Variants in GPHN observed in about 807,000 individuals in gnomAD.
GPHN encodes gephyrin.
Under a neutral mutation model 95.5 loss-of-function variants are expected in GPHN, and 17 were observed. That is an observed-to-expected ratio of 0.18 (90% CI 0.12 to 0.27). The LOEUF (loss-of-function observed/expected upper bound fraction) is 0.27, where lower values mean the gene tolerates loss of function less well. Ranked by LOEUF, GPHN falls within the 10% of genes least tolerant of loss-of-function variation. GPHN has a pLI of 1.00. For synonymous variants in GPHN, 320 were observed against 322.5 expected (o/e 0.99, Z 0.08); for missense variants, 660 against 978.1 (o/e 0.67, Z 4.34).
chr14:67,319,610 TAA>T, the GPHN span, among the ~76,000 whole-genome samples: 3,967 of 128,530 alleles, frequency 0.031, 57 homozygotes, highest in East Asian at 0.065. Context: ...GCTGATGAGC[TAA>T]AAAAAAAAAA....
At chr14:66,644,776 A>T (rs1164777756) in intron 1 of GPHN, among the ~76,000 whole-genome samples, 1 of 152,200 alleles carries the variant, frequency 6.6e-6, no homozygotes, top group Non-Finnish European at 1.5e-5. Flanking sequence ...AAGACAGATA[A>T]GGAGATTTTC....
At chr14:67,576,025 C>T in the GPHN span, 10 of 1,580,052 alleles carry the variant, frequency 6.3e-6, no homozygotes, top group Admixed American at 1.6e-4. This position sits in a 1 kb window ranked among gnomAD's most constrained non-coding sequence, Gnocchi z 4.0. Flanking sequence ...AGGGCTGGGC[C>T]TCCAGGGCCA....
chr14:67,359,431 G>A, the GPHN span, among the ~76,000 whole-genome samples: 3 of 152,182 alleles, frequency 2.0e-5, no homozygotes, highest in Admixed American at 6.5e-5. Flanking sequence ...CCCGCCGGCC[G>A]GGCGCCTTTT....
intron 1 of GPHN, among the ~76,000 whole-genome samples, chr14:66,588,800 AATCACTCTTCAGGAT>A: frequency 6.6e-6 from 1 of 152,306 alleles, no homozygotes; most frequent in South Asian, 2.1e-4. Context: ...CCACACTGGA[AATCACTCTTCAGGAT>A]ATTATCCAGG....
chr14:67,619,102 G>A, the GPHN span, among the ~76,000 whole-genome samples: 3 of 152,194 alleles, frequency 2.0e-5, no homozygotes, highest in East Asian at 5.8e-4. Context: ...TCTTTTCTTC[G>A]CTTTAAAAAG....
chr14:66,841,011 A>G (rs143182417), intron 4 of GPHN, among the ~76,000 whole-genome samples: 407 of 130,144 alleles, frequency 3.1e-3, no homozygotes, highest in African/African-American at 0.013. Context: ...ATAGATATAG[A>G]TATAGATATA....
the GPHN span, chr14:67,205,084 G>A: frequency 6.5e-7 from 1 of 1,549,158 alleles, no homozygotes; most frequent in African/African-American, 1.4e-5. Flanking sequence ...CAAGCAAGAG[G>A]AGAAGGTATG....
the GPHN span, among the ~76,000 whole-genome samples, chr14:67,598,071 GAATTCAAAC>G: frequency 4.6e-5 from 7 of 152,098 alleles, no homozygotes; most frequent in Non-Finnish European, 1.0e-4. Context: ...TTTCTGTGTA[GAATTCAAAC>G]AATTCAATAT....
the GPHN span, chr14:67,338,097 T>C: frequency 2.6e-5 from 4 of 152,750 alleles, no homozygotes; most frequent in Non-Finnish European, 4.4e-5. Context: ...TTACTGTTTA[T>C]ACCACAGTCG....
intron 9 of GPHN, among the ~76,000 whole-genome samples, chr14:66,980,604 A>C (rs2070592864): frequency 6.6e-6 from 1 of 152,166 alleles, no homozygotes; most frequent in East Asian, 1.9e-4. Context: ...AATTTTATAT[A>C]GATTAGATTT....
chr14:67,280,839 CCTTCCTTCCT>C, the GPHN span, among the ~76,000 whole-genome samples: 2 of 135,924 alleles, frequency 1.5e-5, no homozygotes, highest in African/African-American at 6.1e-5. Context: ...TTCCTTCCTT[CCTTCCTTCCT>C]TCCTTCCCTC....
chr14:67,221,724 TA>T, the GPHN span: 1 of 1,601,296 alleles, frequency 6.2e-7, no homozygotes, highest in South Asian at 1.1e-5. Flanking sequence ...AGATCTTTTC[TA>T]AATATTTGTG....
At chr14:66,528,966 TC>T (rs1294047403) in intron 1 of GPHN, among the ~76,000 whole-genome samples, 1 of 152,208 alleles carries the variant, frequency 6.6e-6, no homozygotes, top group African/African-American at 2.4e-5. Context: ...TCAAGTAGTA[TC>T]TTTGTGGTGT....
the GPHN span, among the ~76,000 whole-genome samples, chr14:67,259,302 T>TG: frequency 6.6e-6 from 1 of 151,992 alleles, no homozygotes; most frequent in African/African-American, 2.4e-5. Context: ...TAAAAAATAA[T>TG]GGACTACTTT....
In GPHN at chr14:66,933,073, T is replaced by C. The variant is rs1275116513; in HGVS notation, c.828+8781T>C. Reference sequence around the variant, plus strand: ...CTGGTATTTAACAGTCCTTTGTAAATAGTAATTGGTCTTTTGACAGATGTT... The same window carrying C: ...CTGGTATTTAACAGTCCTTTGTAAACAGTAATTGGTCTTTTGACAGATGTT... On this transcript the variant is annotated intron_variant, in intron 8 of 22. Coordinates refer to ENST00000478722, the MANE Select transcript of GPHN (RefSeq NM_020806.5). Among the ~76,000 whole-genome samples, 4 of 152,336 alleles carry C rather than the reference T, an allele frequency of 2.6e-5. No individual in the cohort carries two copies. The East Asian group carries it at 7.7e-4, about 29-fold the overall frequency.
At chr14:66,905,990 G>T (rs1457254078) in intron 5 of GPHN, among the ~76,000 whole-genome samples, 1 of 144,368 alleles carries the variant, frequency 6.9e-6, no homozygotes, top group African/African-American at 2.5e-5. Flanking sequence ...TTTGATTCGA[G>T]GCTTTTTTTT....
At chr14:66,838,439 A>G (rs117984121) in intron 4 of GPHN, among the ~76,000 whole-genome samples, 1,832 of 152,262 alleles carry the variant, frequency 0.012, 19 homozygotes, top group Non-Finnish European at 0.018. Flanking sequence ...AAAAGGAAAA[A>G]GAAATATCAA....
At chr14:66,687,186 A>G (rs893973371) in intron 2 of GPHN, among the ~76,000 whole-genome samples, 11 of 152,136 alleles carry the variant, frequency 7.2e-5, no homozygotes, top group Admixed American at 6.5e-4. Flanking sequence ...CCCACTGTCA[A>G]CATTGGACAG....
At chr14:66,866,365 A>G (rs182437605) in intron 4 of GPHN, among the ~76,000 whole-genome samples, 78 of 152,286 alleles carry the variant, frequency 5.1e-4, no homozygotes, top group African/African-American at 1.6e-3. Context: ...CCATAGGAAT[A>G]TCAATATTCT....
Sources: gnomAD v4.1 joint callset for allele counts (sites outside exome capture counted in the v4.1 genomes callset) on GRCh38, gnomAD v4.1.1 for gene constraint, Gnocchi (gnomAD v3.1) non-coding constraint, MANE v1.5 for transcripts, NCBI Gene and HGNC (gene_info 2026-07-23, HGNC 2026-07-21) for gene names.